ANKH: variants seen among roughly 807,000 people sequenced by gnomAD.
ANKH encodes the protein ANKH inorganic pyrophosphate transport regulator.
A neutral mutation model predicts 49.0 loss-of-function variants in ANKH; 15 were observed. That is an observed-to-expected ratio of 0.31 (90% CI 0.20 to 0.47). The LOEUF (loss-of-function observed/expected upper bound fraction) is 0.47, where lower values mean the gene tolerates loss of function less well. Among genes scored for constraint, ANKH ranks in the 20% least tolerant of loss-of-function variants. The probability of loss-of-function intolerance (pLI) is 1.00; values close to 1 mark genes in which losing one functional copy is unlikely to be tolerated. For synonymous variants in ANKH, 273 were observed against 260.0 expected, an observed-to-expected ratio of 1.05 and a Z score of -0.48; for missense variants, 429 against 652.0, an observed-to-expected ratio of 0.66 and a Z score of 3.72.
At chr5:14,864,950 C>T (rs1307786209) in intron 1 of ANKH, among the ~76,000 whole-genome samples, 1 of 152,090 alleles carries the variant, frequency 6.6e-6, no homozygotes, top group Non-Finnish European at 1.5e-5. Context: ...ACATATATTT[C>T]CTCAATTATG....
intron 2 of ANKH, among the ~76,000 whole-genome samples, chr5:14,760,029 C>T (rs1230698342): frequency 6.6e-6 from 1 of 152,056 alleles, no homozygotes; most frequent in Non-Finnish European, 1.5e-5. Flanking sequence ...GGAATGACTA[C>T]GATCTTCAGA....
intron 1 of ANKH, among the ~76,000 whole-genome samples, chr5:14,838,120 G>A (rs575185130): frequency 6.6e-6 from 1 of 152,144 alleles, no homozygotes; most frequent in Non-Finnish European, 1.5e-5. Context: ...ACGTGGGGTG[G>A]GGGAAGGGCG....
intron 1 of ANKH, among the ~76,000 whole-genome samples, chr5:14,802,342 T>C (rs1408697083): frequency 1.3e-5 from 2 of 152,126 alleles, no homozygotes. Flanking sequence ...GTCCAGTTGA[T>C]TCTGTCTCCT....
intron 1 of ANKH, among the ~76,000 whole-genome samples, chr5:14,810,254 C>A (rs986454591): frequency 6.6e-5 from 10 of 151,622 alleles, no homozygotes; most frequent in African/African-American, 2.2e-4. Context: ...TCCTCTTGGG[C>A]TCAAGAGATT....
At chr5:14,853,489 A>G (rs534515850) in intron 1 of ANKH, among the ~76,000 whole-genome samples, 1 of 152,256 alleles carries the variant, frequency 6.6e-6, no homozygotes, top group Admixed American at 6.5e-5. Flanking sequence ...AGGTGAGAGG[A>G]TCGCTTGAGC....
At chr5:14,861,810 G>C (rs915276236) in intron 1 of ANKH, among the ~76,000 whole-genome samples, 1 of 152,200 alleles carries the variant, frequency 6.6e-6, no homozygotes, top group African/African-American at 2.4e-5. Flanking sequence ...AAGCTGGTCA[G>C]TCTGTCCCTA....
chr5:14,762,592 A>T (rs1408729846), intron 2 of ANKH, among the ~76,000 whole-genome samples: 1 of 152,188 alleles, frequency 6.6e-6, no homozygotes, highest in Non-Finnish European at 1.5e-5. Context: ...CCCCTACATG[A>T]TAGAGGAGTC....
intron 1 of ANKH, among the ~76,000 whole-genome samples, chr5:14,789,999 C>T (rs772948880): frequency 6.6e-6 from 1 of 152,202 alleles, no homozygotes; most frequent in Non-Finnish European, 1.5e-5. Context: ...CGTGAGCCAC[C>T]AGGCCCAGCT....
At chr5:14,789,377 AAATTT>A (rs897166381) in intron 1 of ANKH, among the ~76,000 whole-genome samples, 1 of 152,134 alleles carries the variant, frequency 6.6e-6, no homozygotes, top group African/African-American at 2.4e-5. Context: ...TTTTAAAAGC[AAATTT>A]AATATCCTTG....
At chr5:14,723,505 G>C (rs948359761) in intron 8 of ANKH, among the ~76,000 whole-genome samples, 5 of 152,024 alleles carry the variant, frequency 3.3e-5, no homozygotes, top group African/African-American at 1.2e-4. Flanking sequence ...CAAACAAAAT[G>C]TAGCATACCC....
intron 4 of ANKH, among the ~76,000 whole-genome samples, chr5:14,752,784 G>A (rs1442977288): frequency 6.6e-6 from 1 of 152,150 alleles, no homozygotes; most frequent in Non-Finnish European, 1.5e-5. Flanking sequence ...TGCGTTTAAT[G>A]GCAGGAAAGT....
chr5:14,858,432 T>C (rs2021200), intron 1 of ANKH, among the ~76,000 whole-genome samples: 31,774 of 152,188 alleles, frequency 0.21, 3,479 homozygotes, highest in African/African-American at 0.26. Flanking sequence ...AATATACGCA[T>C]AGTGCCAGAT....
chr5:14,723,293 G>A (rs1264739789), intron 8 of ANKH, among the ~76,000 whole-genome samples: 1 of 151,748 alleles, frequency 6.6e-6, no homozygotes, highest in Non-Finnish European at 1.5e-5. Flanking sequence ...TGAGGGTGAG[G>A]AGTCTATGGG....
chr5:14,740,462 T>C (rs2126464458), intron 8 of ANKH, among the ~76,000 whole-genome samples: 1 of 151,896 alleles, frequency 6.6e-6, no homozygotes, highest in South Asian at 2.1e-4. Context: ...CAAACAGGCA[T>C]TGCTATCAGC....
Position 14,780,053 on chromosome 5 carries a change from C to CT in ANKH, c.97-10863dup, listed in dbSNP as rs34249421. Among the ~76,000 whole-genome samples, 513 of 141,054 alleles carry CT rather than the reference C, an allele frequency of 3.6e-3. 2 individuals carry two copies. The highest frequency in any genetic ancestry group is 7.1e-3 in the Admixed American group (100 of 14,156). 92.5% of individuals were successfully genotyped at this position (141,054 alleles called of 152,430 possible). On this transcript the variant is annotated intron_variant, in intron 1 of 11. Transcript: ENST00000284268. ...GAAGTTCACATTCAAAGGATAACAG[C>CT]TTTTTTTTTTTTTTTTTCTGACCAG...
intron 1 of ANKH, among the ~76,000 whole-genome samples, chr5:14,821,918 C>T (rs949660792): frequency 1.3e-5 from 2 of 152,074 alleles, no homozygotes; most frequent in African/African-American, 2.4e-5. Context: ...TAAAGTTAAA[C>T]CCTGCTATGG....
At chr5:14,799,489 C>T (rs907693328) in intron 1 of ANKH, among the ~76,000 whole-genome samples, 1 of 152,206 alleles carries the variant, frequency 6.6e-6, no homozygotes, top group African/African-American at 2.4e-5. Context: ...TTCAAAGTTG[C>T]AAAGGACAGG....
intron 1 of ANKH, among the ~76,000 whole-genome samples, chr5:14,846,942 A>G (rs1453026289): frequency 2.8e-5 from 4 of 145,002 alleles, no homozygotes; most frequent in Admixed American, 1.4e-4. Flanking sequence ...CAGGAGACGG[A>G]TGTTGCAGTG....
intron 1 of ANKH, among the ~76,000 whole-genome samples, chr5:14,803,866 C>T (rs1470058508): frequency 1.3e-5 from 2 of 152,122 alleles, no homozygotes; most frequent in Non-Finnish European, 2.9e-5. Flanking sequence ...CTGTGATCAC[C>T]TTACATAGCA....
Sources: gnomAD v4.1 joint callset for allele counts (sites outside exome capture counted in the v4.1 genomes callset) on GRCh38, gnomAD v4.1.1 for gene constraint, MANE v1.5 for transcripts, NCBI Gene and HGNC (gene_info 2026-07-23, HGNC 2026-07-21) for gene names.